BRD9: variants seen among roughly 807,000 people sequenced by gnomAD.
The protein encoded by BRD9 is bromodomain containing 9, also known as bromodomain-containing protein 9.
BRD9 carries 47 observed loss-of-function variants against 68.7 expected under a neutral mutation model. That is an observed-to-expected ratio of 0.68 (90% CI 0.54 to 0.87). The LOEUF is 0.87. BRD9 is among the 40% of genes least tolerant of loss of function. BRD9 has a pLI of 0.00. For missense variants in BRD9, 670 were observed against 748.4 expected (o/e 0.90, Z 1.22); for synonymous variants, 313 against 293.9 (o/e 1.06, Z -0.67).
intron 3 of BRD9, 172 bp from the exon 4 acceptor site, chr5:889,819 C>A (rs1753090540): frequency 7.0e-7 from 1 of 1,420,294 alleles, no homozygotes; most frequent in Admixed American, 2.1e-5. Context: ...CAAGCTCAGC[C>A]GGGTAGAAAG....
intron 7 of BRD9, 38 bp from the exon 8 acceptor site, chr5:884,108 G>A (rs1472888667): frequency 6.2e-6 from 10 of 1,602,522 alleles, no homozygotes; most frequent in African/African-American, 1.3e-5. Flanking sequence ...TGGAGGCAGC[G>A]TCCCCACCGC....
At chr5:880,791 C>T (rs1283417862) in intron 9 of BRD9, among the ~76,000 whole-genome samples, 6 of 152,222 alleles carry the variant, frequency 3.9e-5, no homozygotes, top group Non-Finnish European at 7.3e-5. Context: ...AGACTGAGCT[C>T]GGGATGTGAA....
intron 11 of BRD9, among the ~76,000 whole-genome samples, chr5:877,059 T>C (rs1039419395): frequency 4.6e-5 from 7 of 152,212 alleles, no homozygotes; most frequent in Non-Finnish European, 7.3e-5. Context: ...GGGGTCAGAA[T>C]GATCTTTCTT....
intron 14 of BRD9, chr5:866,215 T>A (rs1749360834): frequency 6.6e-6 from 1 of 152,272 alleles, no homozygotes. Flanking sequence ...CCACAGAGTC[T>A]AAGCCACTTC....
intron 8 of BRD9, chr5:882,064 C>G (rs1751850924): frequency 6.5e-6 from 1 of 152,716 alleles, no homozygotes; most frequent in African/African-American, 2.4e-5. Context: ...CAGACACACA[C>G]AACAGGCATC....
chr5:868,992 G>A (rs1347463105), intron 14 of BRD9: 4 of 223,040 alleles, frequency 1.8e-5, no homozygotes, highest in African/African-American at 9.5e-5. Context: ...CCCACCGGCT[G>A]ATGCCAACTG....
rs1367823408 is a variant in BRD9, at chr5:891,226, A to C, written c.329T>G (p.Phe110Cys). Reference protein sequence around the residue: ...HCDTEGEADDFDPGKKVEVEP... With the variant: ...HCDTEGEADDCDPGKKVEVEP... The stretch of plus-strand genomic sequence containing the variant: ...CACCTCCACCTTCTTCCCAGGATCA[A>C]AGTCGTCAGCCTCTCCCTCCGTGTC... The change falls in exon 3 of 16, where the codon TTT becomes TGT. Residue 110 changes from phenylalanine (F) to cysteine (C), a missense_variant. Phe to Cys is a radical substitution (Grantham distance 205). Coordinates refer to ENST00000467963, the MANE Select transcript of BRD9 (RefSeq NM_023924.5). 4 of 1,551,786 alleles carry C rather than the reference A, an allele frequency of 2.6e-6. No individual in the cohort carries two copies. The Admixed American group carries it at 7.8e-5, about 30-fold the overall frequency.
chr5:882,516 C>T (rs531294586), intron 8 of BRD9: 67 of 157,192 alleles, frequency 4.3e-4, no homozygotes, highest in African/African-American at 1.6e-3. Context: ...GACCACAACC[C>T]CCCAACACGC....
At position 865,479 on chromosome 5, in the gene BRD9, C is replaced by T. The variant is rs773177449; in HGVS notation, c.1628G>A (p.Gly543Asp). 3 of 1,600,468 alleles carry T rather than the reference C, an allele frequency of 1.9e-6. No homozygotes were observed. The highest frequency in any genetic ancestry group is 1.1e-5 in the South Asian group (1 of 90,844). Residue 543 changes from glycine to aspartate, a missense_variant, in exon 15 of 16, where the codon GGC becomes GAC. Gly to Asp is a moderately conservative substitution (Grantham distance 94, BLOSUM62 -1). Around this residue, in one of 5 missense-constraint regions of BRD9, gnomAD observed 280 missense variants for 281.5 expected, o/e 0.99. Transcript: ENST00000467963. ...GCTGAGGTTGGACGACGGCCGAGAG[C>T]CGCCGCGCTCCGCCTGTGCTTCGTG... ...DLHEAQAERG[G>D]SRPSSNLSSL... is the part of the protein sequence containing the mutation.
At chr5:878,276 CAT>C (rs1168618042) in intron 11 of BRD9, 77 bp downstream of exon 11, 2 of 1,581,032 alleles carry the variant, frequency 1.3e-6, no homozygotes, top group Non-Finnish European at 1.7e-6. Flanking sequence ...CACCCGCACA[CAT>C]GTGGGACTCC....
Position 878,376 on chromosome 5 carries a change from G to A in BRD9, c.1250C>T (p.Thr417Ile). The A allele has an allele frequency of 6.2e-7, 1 of 1,614,156 alleles. No individual in the cohort carries two copies. Among genetic ancestry groups the A allele is most frequent in the Non-Finnish European group, 8.5e-7 (1 of 1,180,046 alleles). ...TTGCCTCAGCGCACACTGCACGCCT[G>A]TCTCATCTCCGTAGGCTGAGTAGAG... Reference protein sequence around the residue: ...ELLYSAYGDETGVQCALSLQE... With the variant: ...ELLYSAYGDEIGVQCALSLQE... The change falls in exon 11 of 16, where the codon ACA becomes ATA. Residue 417 changes from threonine (T) to isoleucine (I), a missense_variant. Coordinates refer to ENST00000467963, the MANE Select transcript of BRD9 (RefSeq NM_023924.5).
At position 881,082 on chromosome 5, in the gene BRD9, A is replaced by C. The variant is rs745423614; in HGVS notation, c.1042+25T>G. ...CAAAAAGCAGTGTACGGAGAGCATA[A>C]AGCCAGCCCTGAGCGGGCACCCACC... On this transcript the variant is annotated intron_variant, in intron 9 of 15. Coordinates refer to ENST00000467963, the MANE Select transcript of BRD9 (RefSeq NM_023924.5). 3.1e-6 allele frequency: 5 copies of C among 1,612,246 alleles called. No individual in the cohort carries two copies. The Admixed American group carries it at 6.7e-5, about 21-fold the overall frequency.
chr5:889,724 C>T (rs1235755378), intron 3 of BRD9, 77 bp from the exon 4 acceptor site: 29 of 1,589,276 alleles, frequency 1.8e-5, no homozygotes, highest in Non-Finnish European at 2.5e-5. Flanking sequence ...TTCACAGTAT[C>T]TGTCTGTCTG....
At position 864,016 on chromosome 5, in the gene BRD9, A is replaced by G. The variant is rs978056988; in HGVS notation, c.*452T>C. ...GCGACCCCAGGACAGTGGGGCAGAC[A>G]GAGGTGTCTACACTGGCAGAAACAA... On this transcript the variant is annotated 3_prime_UTR_variant, in exon 16 of 16. Transcript: ENST00000467963. 1.3e-5 allele frequency: 2 copies of G among 157,782 alleles called. No individual in the cohort carries two copies. The highest frequency in any genetic ancestry group is 1.4e-5 in the Non-Finnish European group (1 of 71,188). 9.8% of individuals were successfully genotyped at this position (157,782 alleles called of 1,614,324 possible).
chr5:884,039 T>G lies in BRD9; in HGVS notation c.865A>C (p.Ser289Arg), dbSNP rs1256297677. ...CMFEPEGNACSLTDSTAEEHV... is the reference protein window; with the variant it reads ...CMFEPEGNACRLTDSTAEEHV... Reference sequence around the variant, plus strand: ...TCCTCTGCGGTACTGTCCGTCAAGCTGCAGGCATTCCCTTCAGGCTCAAAC... The same window carrying G: ...TCCTCTGCGGTACTGTCCGTCAAGCGGCAGGCATTCCCTTCAGGCTCAAAC... The change falls in exon 8 of 16, where the codon AGC becomes CGC. Residue 289 changes from serine (S) to arginine (R), a missense_variant. By Grantham distance (110) the Ser-to-Arg change is moderately radical (BLOSUM62 -1). This residue lies in a region of BRD9 where 135 missense variants were observed against 141.2 expected (regional missense o/e 0.96). Coordinates refer to ENST00000467963, the MANE Select transcript of BRD9 (RefSeq NM_023924.5). The G allele has an allele frequency of 1.2e-6, 2 of 1,613,880 alleles. No individual in the cohort carries two copies. Among genetic ancestry groups the G allele is most frequent in the Non-Finnish European group, 1.7e-6 (2 of 1,180,038 alleles).
At chr5:885,307 G>A (rs944732128) in intron 7 of BRD9, among the ~76,000 whole-genome samples, 2 of 152,176 alleles carry the variant, frequency 1.3e-5, no homozygotes, top group Non-Finnish European at 2.9e-5. Flanking sequence ...GCCACGCAGC[G>A]CACCCTGTCT....
chr5:876,873 A>C (rs1021235408), intron 11 of BRD9, among the ~76,000 whole-genome samples: 12 of 152,162 alleles, frequency 7.9e-5, no homozygotes, highest in African/African-American at 2.9e-4. Flanking sequence ...GTCTTTGTTA[A>C]AACACCCACA....
chr5:891,888 C>T (rs755853060), intron 1 of BRD9, 34 bp from the exon 2 acceptor site: 16 of 1,548,488 alleles, frequency 1.0e-5, no homozygotes, highest in South Asian at 7.1e-5. Flanking sequence ...TACCCGCGTG[C>T]TCAGGTGCAA....
Position 864,479 on chromosome 5 carries a change from C to G in BRD9, c.1783G>C (p.Ala595Pro). 6.2e-7 allele frequency: 1 copy of G among 1,611,870 alleles called. No individual in the cohort carries two copies. Among genetic ancestry groups the G allele is most frequent in the Non-Finnish European group, 8.5e-7 (1 of 1,178,470 alleles). ...AAGGTGGTCTAGAGTTAGGTCTTGG[C>G]AGAGGCCGCAGGCTCTGGAGACTGA... Reference protein sequence around the residue: ...FLQSPEPAASAKT With the variant: ...FLQSPEPAASPKT Residue 595 changes from alanine (A) to proline (P), a missense_variant, in exon 16 of 16, where the codon GCC (alanine) becomes CCC (proline). Around this residue, in one of 5 missense-constraint regions of BRD9, gnomAD observed 280 missense variants for 281.5 expected, o/e 0.99. Coordinates refer to ENST00000467963, the MANE Select transcript of BRD9 (RefSeq NM_023924.5).
Sources: allele counts gnomAD v4.1 joint callset (sites outside exome capture counted in the v4.1 genomes callset), GRCh38; gene constraint gnomAD v4.1.1; regional missense constraint gnomAD v4.1.1; transcripts MANE v1.5; gene names NCBI Gene and HGNC (gene_info 2026-07-23, HGNC 2026-07-21).